LY9: variants seen among roughly 807,000 people sequenced by gnomAD.
LY9 encodes T-lymphocyte surface antigen Ly-9.
LY9 carries 59 observed loss-of-function variants against 64.6 expected under a neutral mutation model. The observed-to-expected ratio is 0.91, with a 90% CI of 0.74 to 1.13. The LOEUF (loss-of-function observed/expected upper bound fraction) is 1.13. LY9 is among the 50% of genes most tolerant of loss of function. LY9 has a pLI of 0.00. For synonymous variants in LY9, 281 were observed against 308.5 expected, an observed-to-expected ratio of 0.91 and a Z score of 0.93; for missense variants, 789 against 797.2, an observed-to-expected ratio of 0.99 and a Z score of 0.12.
intron 1 of LY9, among the ~76,000 whole-genome samples, chr1:160,798,189 G>T (rs1163013654): frequency 2.6e-5 from 4 of 152,042 alleles, no homozygotes; most frequent in Admixed American, 1.3e-4. Context: ...TTTGTCTGAT[G>T]TAAGAAAATT....
chr1:160,801,990 G>T (rs1419617446), intron 2 of LY9: 4 of 1,560,418 alleles, frequency 2.6e-6, no homozygotes, highest in East Asian at 2.3e-5. Context: ...GAGCTGGAAG[G>T]GTCCTGCCGA....
chr1:160,813,284 A>C (rs1336097426), intron 2 of LY9: 3 of 264,808 alleles, frequency 1.1e-5, no homozygotes, highest in African/African-American at 2.2e-5. Context: ...TGGGCCATTC[A>C]CCTATTTATT....
intron 2 of LY9, among the ~76,000 whole-genome samples, chr1:160,803,597 G>A (rs923277534): frequency 6.6e-6 from 1 of 151,962 alleles, no homozygotes; most frequent in Non-Finnish European, 1.5e-5. Flanking sequence ...AATAATTATT[G>A]GTGTATAGAA....
chr1:160,825,467 A>G (rs1478249687), intron 9 of LY9, among the ~76,000 whole-genome samples: 3 of 152,208 alleles, frequency 2.0e-5, no homozygotes, highest in Non-Finnish European at 4.4e-5. Context: ...GAGGCGTTTT[A>G]AGATCATCCT....
chr1:160,799,586 G>C, intron 1 of LY9, 167 bp from the exon 2 acceptor site: 1 of 574,652 alleles, frequency 1.7e-6, no homozygotes, highest in Non-Finnish European at 3.1e-6. Context: ...GGGAATGGAG[G>C]AATTAATGAC....
intron 2 of LY9, chr1:160,810,250 T>G (rs976339416): frequency 6.6e-6 from 1 of 152,274 alleles, no homozygotes; most frequent in African/African-American, 2.4e-5. Flanking sequence ...TTTACTCATC[T>G]GTATTAGTGT....
At chr1:160,824,808 T>A (rs1365735135) in intron 9 of LY9, 1 of 202,098 alleles carries the variant, frequency 4.9e-6, no homozygotes, top group East Asian at 2.2e-4. Context: ...TGAAACTCCG[T>A]CTCTACTAAA....
At chr1:160,818,487 A>G (rs1668130848) in intron 6 of LY9, among the ~76,000 whole-genome samples, 168 bp downstream of exon 6, 1 of 152,144 alleles carries the variant, frequency 6.6e-6, no homozygotes, top group Non-Finnish European at 1.5e-5. Flanking sequence ...ACTCACAAAT[A>G]ATAGAAGCCC....
chr1:160,819,813 AAGAGAAAGAAAGAG>A, intron 7 of LY9, among the ~76,000 whole-genome samples: 1 of 135,834 alleles, frequency 7.4e-6, no homozygotes, highest in Admixed American at 7.5e-5. Flanking sequence ...AAAAAACAGA[AAGAGAAAGAAAGAG>A]AGAGAAAGAA....
At position 160,823,475 on chromosome 1, in the gene LY9, T is replaced by C. The variant is rs781754404; in HGVS notation, c.1509T>C (p.Ala503=). The C allele has an allele frequency of 6.2e-7, 1 of 1,607,182 alleles. No homozygotes were observed. Among genetic ancestry groups the C allele is most frequent in the Non-Finnish European group, 8.5e-7 (1 of 1,174,314 alleles). The change falls in exon 8 of 10, where the codon GCT becomes GCC. Residue 503 remains alanine (A), a synonymous_variant. Coordinates refer to ENST00000263285, the MANE Select transcript of LY9 (RefSeq NM_002348.4). ...EAPADTPEPT[A]GHTLYSVLSQ... ...CACAATGTGTTCCAGAACCCACAGCTGGCCACACGCTATACTCTGTGCTCT... is the reference window on the plus strand; with the variant it reads ...CACAATGTGTTCCAGAACCCACAGCCGGCCACACGCTATACTCTGTGCTCT...
chr1:160,813,983 G>A, intron 3 of LY9, 72 bp downstream of exon 3: 1 of 1,502,456 alleles, frequency 6.7e-7, no homozygotes, highest in South Asian at 1.3e-5. Context: ...CTAAACCCTA[G>A]GATCCTGGTC....
chr1:160,796,229 G>GC lies in LY9; in HGVS notation c.44dup (p.Ser17LeufsTer3). The stretch of plus-strand genomic sequence containing the variant: ...GTCACACAGATGACTGGGCTCCTGG[G>GC]CCTTTCTCCAGTAAGCCACAGAGGA... On this transcript the variant is annotated frameshift_variant, in exon 1 of 10. Transcript: ENST00000263285. LOFTEE classifies it high-confidence loss of function. The GC allele has an allele frequency of 6.2e-7, 1 of 1,614,062 alleles. No individual in the cohort carries two copies. Among genetic ancestry groups the GC allele is most frequent in the Non-Finnish European group, 8.5e-7 (1 of 1,180,000 alleles).
chr1:160,814,542 A>T lies in LY9; in HGVS notation c.853A>T (p.Asn285Tyr). ...CACAGAGAAGGTTGTCTGGTTGTTT[A>T]ACACATCCATCATTAGCAAAGAGAG... Reference protein sequence around the residue: ...RDTEKVVWLFNTSIISKEREE... With the variant: ...RDTEKVVWLFYTSIISKEREE... Residue 285 changes from asparagine (N) to tyrosine (Y), a missense_variant, in exon 4 of 10, where the codon AAC (asparagine) becomes TAC (tyrosine). Physicochemically the swap from Asn to Tyr is moderately radical, Grantham distance 143. Transcript: ENST00000263285. 6.2e-7 allele frequency: 1 copy of T among 1,614,154 alleles called. No individual in the cohort carries two copies. The highest frequency in any genetic ancestry group is 2.2e-5 in the East Asian group (1 of 44,882).
rs1666596337 is a variant in LY9 at position 160,802,508 on chromosome 1, C to G, written c.454+2426C>G. 5 of 985,524 alleles carry G rather than the reference C, an allele frequency of 5.1e-6. No individual in the cohort carries two copies. In the South Asian group the frequency reaches 2.3e-4, roughly 46 times the overall value. The allele number at this position is 985,524 out of a possible 1,614,324, so 61.0% of individuals were successfully genotyped here. On this transcript the variant is annotated intron_variant, in intron 2 of 9. Coordinates refer to ENST00000263285, the MANE Select transcript of LY9 (RefSeq NM_002348.4). ...CTGGCCTCCAACCCTGCGGGCCGCG[C>G]CAGGCACCAACTCAGTGTTTGTCAG...
In LY9 at chr1:160,828,213, C is replaced by G. The variant is rs561225324; in HGVS notation, c.*397C>G. On this transcript the variant is annotated 3_prime_UTR_variant, in exon 10 of 10. Transcript: ENST00000263285. ...ACATGACACAAGATGTACATAATAT[C>G]ATGCTCACTGCAGTGTTATTTAAAA... is the stretch of plus-strand genomic sequence containing the variant. 1.6e-3 allele frequency: 256 copies of G among 155,772 alleles called. 1 individual carries two copies. Among genetic ancestry groups the G allele is most frequent in the Non-Finnish European group, 2.8e-3 (198 of 70,394 alleles). The allele number at this position is 155,772 out of a possible 1,614,324, so 9.6% of individuals were successfully genotyped here.
chr1:160,814,544 C>G lies in LY9; in HGVS notation c.855C>G (p.Asn285Lys). The G allele has an allele frequency of 2.5e-6, 4 of 1,614,130 alleles. No homozygotes were observed. The highest frequency in any genetic ancestry group is 3.4e-6 in the Non-Finnish European group (4 of 1,179,996). The change falls in exon 4 of 10, where the codon AAC becomes AAG. Residue 285 changes from asparagine to lysine, a missense_variant. Transcript: ENST00000263285. ...CAGAGAAGGTTGTCTGGTTGTTTAA[C>G]ACATCCATCATTAGCAAAGAGAGGG... ...RDTEKVVWLF[N>K]TSIISKEREE...
chr1:160,800,117 T>G (rs1362253147), intron 2 of LY9, 35 bp downstream of exon 2: 14 of 1,540,852 alleles, frequency 9.1e-6, no homozygotes, highest in African/African-American at 1.4e-5. Flanking sequence ...TTTGATCTTT[T>G]CTTTTTTTTA....
At chr1:160,819,596 C>T (rs1424227177) in intron 7 of LY9, among the ~76,000 whole-genome samples, 1 of 151,634 alleles carries the variant, frequency 6.6e-6, no homozygotes, top group Non-Finnish European at 1.5e-5. Context: ...TCAAGACCAG[C>T]CTGGCCAACA....
At chr1:160,801,517 C>G (rs1432390315) in intron 2 of LY9, among the ~76,000 whole-genome samples, 1 of 152,154 alleles carries the variant, frequency 6.6e-6, no homozygotes, top group African/African-American at 2.4e-5. Flanking sequence ...TCTCTTCACT[C>G]TGTTGATTAT....
Sources: allele counts gnomAD v4.1 joint callset (sites outside exome capture counted in the v4.1 genomes callset), GRCh38; gene constraint gnomAD v4.1.1; transcripts MANE v1.5; gene names NCBI Gene and HGNC (gene_info 2026-07-23, HGNC 2026-07-21).